The following PAK3 variants were observed in gnomAD, a reference collection of about 807,000 sequenced individuals.
PAK3 encodes the protein serine/threonine-protein kinase PAK 3.
PAK3 carries 4 observed loss-of-function variants against 41.0 expected under a neutral mutation model. The ratio of observed to expected loss-of-function variants is 0.10; its 90% CI spans 0.05 to 0.22. The LOEUF (loss-of-function observed/expected upper bound fraction) is 0.22. Ranked by LOEUF, PAK3 falls within the 10% of genes least tolerant of loss-of-function variation. The pLI, the probability that PAK3 is intolerant of heterozygous loss-of-function variation, is 1.00. For synonymous variants in PAK3, 146 were observed against 139.6 expected (o/e 1.05, Z -0.32); for missense variants, 205 against 409.9 (o/e 0.50, Z 4.32).
rs1299684097 is a variant in PAK3 at position 111,226,050 on chromosome X, C to A, written c.*5603C>A. ...AATTAGCCGGGTGTGGTGGCGGGCGCCTGTAATCCCAGCTACTTGGGAGGC... is the reference window on the plus strand; with the variant it reads ...AATTAGCCGGGTGTGGTGGCGGGCGACTGTAATCCCAGCTACTTGGGAGGC... On this transcript the variant is annotated 3_prime_UTR_variant, in exon 18 of 18. Coordinates refer to ENST00000372007, the MANE Select transcript of PAK3 (RefSeq NM_002578.5). 9.1e-6 allele frequency: 1 copy of A among 110,226 alleles called. No homozygotes were observed. Among genetic ancestry groups the A allele is most frequent in the Non-Finnish European group, 1.9e-5 (1 of 52,895 alleles). 9.1% of individuals were successfully genotyped at this position (110,226 alleles called of 1,213,427 possible). A position where few individuals can be genotyped will look rare whatever the true frequency, so the allele number is the denominator to read the frequency against.
chrX:111,148,771 G>A (rs935614018), intron 7 of PAK3, among the ~76,000 whole-genome samples: 1 of 110,800 alleles, frequency 9.0e-6, no homozygotes, highest in African/African-American at 3.3e-5. Context: ...ACAACATGTT[G>A]GAATTATGGG....
intron 1 of PAK3, among the ~76,000 whole-genome samples, chrX:111,041,633 A>T (rs770740359): frequency 9.0e-6 from 1 of 111,373 alleles, no homozygotes; most frequent in South Asian, 3.8e-4. Flanking sequence ...AAGATGGTTC[A>T]ACCTCATCCT....
At chrX:111,053,270 G>T (rs2092575983) in intron 1 of PAK3, among the ~76,000 whole-genome samples, 1 of 111,128 alleles carries the variant, frequency 9.0e-6, no homozygotes, top group Non-Finnish European at 1.9e-5. Context: ...GCCACAGAAG[G>T]TTCTGAAGCT....
chrX:111,223,346 C>A lies in PAK3; in HGVS notation c.*2899C>A, dbSNP rs1603404866. 1.8e-5 allele frequency: 2 copies of A among 108,805 alleles called. No homozygotes were observed. Among genetic ancestry groups the A allele is most frequent in the African/African-American group, 6.7e-5 (2 of 29,924 alleles). 9.0% of individuals were successfully genotyped at this position (108,805 alleles called of 1,213,427 possible). A position where few individuals can be genotyped will look rare whatever the true frequency, so the allele number is the denominator to read the frequency against. Reference sequence around the variant, plus strand: ...GAACGTTAATGTTGTTAGCAAGGATCCAGTGCGTTGTCATAATCCCATGAG... The same window carrying A: ...GAACGTTAATGTTGTTAGCAAGGATACAGTGCGTTGTCATAATCCCATGAG... On this transcript the variant is annotated 3_prime_UTR_variant, in exon 18 of 18. Transcript: ENST00000372007.
intron 1 of PAK3, among the ~76,000 whole-genome samples, chrX:110,989,537 A>G (rs1259733138): frequency 8.9e-6 from 1 of 112,095 alleles, no homozygotes; most frequent in Non-Finnish European, 1.9e-5. Flanking sequence ...GAAAATTTAA[A>G]TACTATTTGC....
At chrX:111,156,092 G>A (rs1433204707) in intron 8 of PAK3, among the ~76,000 whole-genome samples, 2 of 111,756 alleles carry the variant, frequency 1.8e-5, no homozygotes, top group Non-Finnish European at 3.8e-5. Flanking sequence ...CTGGATGAAG[G>A]GAGACTAGTA....
chrX:111,134,652 T>C (rs1295744775), intron 5 of PAK3, among the ~76,000 whole-genome samples: 2 of 111,084 alleles, frequency 1.8e-5, no homozygotes, highest in African/African-American at 3.3e-5. Context: ...GTGTAATATG[T>C]AGGAGTGAGA....
intron 1 of PAK3, among the ~76,000 whole-genome samples, chrX:110,989,953 A>G (rs1312650053): frequency 8.9e-6 from 1 of 112,106 alleles, no homozygotes; most frequent in Non-Finnish European, 1.9e-5. Flanking sequence ...TGCCTTCCCA[A>G]TCTCAACTGA....
In PAK3 at chrX:110,970,026, C is replaced by T. The variant is rs564992734; in HGVS notation, c.-28+25398C>T. Among the ~76,000 whole-genome samples the T allele has an allele frequency of 8.1e-5, 9 of 111,736 alleles. No homozygotes were observed. The South Asian group carries it at 3.4e-3, about 42-fold the overall frequency. On this transcript the variant is annotated intron_variant, in intron 1 of 14. Transcript: ENST00000425146. ...GTCTTTACATTTCAACATACAAGTC[C>T]TGTATAGATTTTGTTACATTTACAC...
chrX:111,145,983 C>T (rs561088071), intron 6 of PAK3, among the ~76,000 whole-genome samples: 2 of 111,906 alleles, frequency 1.8e-5, no homozygotes, highest in South Asian at 7.4e-4. Context: ...AAAAGAATCA[C>T]ATCAATGAGA....
intron 1 of PAK3, among the ~76,000 whole-genome samples, chrX:111,055,429 A>G (rs2092596881): frequency 8.9e-6 from 1 of 112,476 alleles, no homozygotes; most frequent in African/African-American, 3.2e-5. Flanking sequence ...AAGAGTCCAC[A>G]TGGAACATAG....
At chrX:111,001,730 G>A (rs775360127) in intron 1 of PAK3, among the ~76,000 whole-genome samples, 1 of 112,003 alleles carries the variant, frequency 8.9e-6, no homozygotes, top group East Asian at 2.8e-4. Context: ...CTGGCCTGAT[G>A]TATACTTACA....
chrX:111,047,360 T>C (rs2092509672), intron 1 of PAK3, among the ~76,000 whole-genome samples: 1 of 111,084 alleles, frequency 9.0e-6, no homozygotes, highest in Non-Finnish European at 1.9e-5. Flanking sequence ...AACATACATA[T>C]ATCCTTTATA....
intron 4 of PAK3, among the ~76,000 whole-genome samples, chrX:111,112,189 C>A (rs933423500): frequency 9.0e-6 from 1 of 111,024 alleles, no homozygotes; most frequent in Non-Finnish European, 1.9e-5. Context: ...CTTGTAGAAA[C>A]GCATATTAAA....
intron 1 of PAK3, among the ~76,000 whole-genome samples, chrX:111,083,808 A>G (rs1163347406): frequency 1.8e-5 from 2 of 112,219 alleles, no homozygotes; most frequent in East Asian, 2.8e-4. Context: ...AGTACCTACA[A>G]TTGCTCTACG....
At chrX:111,142,831 A>G (rs1164987451) in intron 6 of PAK3, among the ~76,000 whole-genome samples, 1 of 110,964 alleles carries the variant, frequency 9.0e-6, no homozygotes, top group Non-Finnish European at 1.9e-5. Context: ...GATGTCATGC[A>G]ATCCATAGTA....
At chrX:111,105,148 A>G (rs2093229754) in intron 4 of PAK3, among the ~76,000 whole-genome samples, 1 of 111,541 alleles carries the variant, frequency 9.0e-6, no homozygotes, top group Non-Finnish European at 1.9e-5. Context: ...ATTTAGGTAC[A>G]TTCACACTGC....
intron 1 of PAK3, among the ~76,000 whole-genome samples, chrX:110,994,690 T>G (rs1454225689): frequency 1.8e-5 from 2 of 111,849 alleles, no homozygotes; most frequent in Admixed American, 9.5e-5. Flanking sequence ...CCCAGAATGC[T>G]TTAAAACCAT....
intron 8 of PAK3, 130 bp from the exon 9 acceptor site, chrX:111,162,785 T>C: frequency 3.2e-6 from 2 of 622,486 alleles, no homozygotes; most frequent in South Asian, 2.4e-5. Context: ...TTGATGATTC[T>C]GATCATTTGT....
Sources: gnomAD v4.1 joint callset for allele counts (sites outside exome capture counted in the v4.1 genomes callset) on GRCh38, gnomAD v4.1.1 for gene constraint, MANE v1.5 for transcripts, NCBI Gene and HGNC (gene_info 2026-07-23, HGNC 2026-07-21) for gene names.